Variants in SLC8B1 observed in about 807,000 individuals in gnomAD.
The protein encoded by SLC8B1 is solute carrier family 8 member B1.
SLC8B1 carries 52 observed loss-of-function variants against 63.4 expected under a neutral mutation model. The ratio of observed to expected loss-of-function variants is 0.82; its 90% CI spans 0.66 to 1.03. The LOEUF (loss-of-function observed/expected upper bound fraction) is 1.03, where lower values mean the gene tolerates loss of function less well. Among genes scored for constraint, SLC8B1 ranks in the 50% least tolerant of loss-of-function variants. SLC8B1 has a pLI of 0.00. For missense variants in SLC8B1, 657 were observed against 741.7 expected (o/e 0.89, Z 1.33); for synonymous variants, 336 against 323.9 (o/e 1.04, Z -0.40).
rs267603316 is a variant in SLC8B1, at chr12:113,332,732, G to A, written c.147C>T (p.Pro49=). Residue 49 remains proline, a synonymous_variant, in exon 2 of 16, where the codon CCC becomes CCT. Transcript: ENST00000680972. ...QFPASGVNQT[P]VVDCRKVCGL... is the part of the protein sequence containing the mutation. Reference sequence around the variant, plus strand: ...CTACCGGGATACTCACGTCTACCACGGGGGTCTGGTTCACACCTGAAGCTG... The same window carrying A: ...CTACCGGGATACTCACGTCTACCACAGGGGTCTGGTTCACACCTGAAGCTG... 2.4e-5 allele frequency: 39 copies of A among 1,613,432 alleles called. No homozygotes were observed. The highest frequency in any genetic ancestry group is 3.1e-5 in the Non-Finnish European group (36 of 1,179,774).
At chr12:113,307,041 G>A (rs1956684303) in intron 13 of SLC8B1, among the ~76,000 whole-genome samples, 1 of 142,740 alleles carries the variant, frequency 7.0e-6, no homozygotes, top group Admixed American at 7.5e-5. Context: ...AACCTGGGAG[G>A]CAGAGGTTGC....
At chr12:113,310,102 A>T in intron 12 of SLC8B1, 132 bp downstream of exon 12, 1 of 1,250,504 alleles carries the variant, frequency 8.0e-7, no homozygotes, top group Non-Finnish European at 1.1e-6. Flanking sequence ...AAGCAGCTTT[A>T]AAGTTCGGTT....
Position 113,316,787 on chromosome 12 carries a change from G to A in SLC8B1, c.863-131C>T, listed in dbSNP as rs990040740. On this transcript the variant is annotated intron_variant, in intron 9 of 15. Transcript: ENST00000680972. ...AAAGCCCAGTACTCGGCAGAGGGCA[G>A]ACAACCCTGGCCCTTGGCTCACCTG... 2.7e-6 allele frequency: 4 copies of A among 1,503,588 alleles called. No individual in the cohort carries two copies. In the South Asian group the frequency reaches 4.9e-5, roughly 19 times the overall value. The allele number at this position is 1,503,588 out of a possible 1,614,324, so 93.1% of individuals were successfully genotyped here. A position where few individuals can be genotyped will look rare whatever the true frequency, so the allele number is the denominator to read the frequency against.
chr12:113,320,259 T>C lies in SLC8B1; in HGVS notation c.694+72A>G. On this transcript the variant is annotated intron_variant, in intron 7 of 15. Coordinates refer to ENST00000680972, the MANE Select transcript of SLC8B1 (RefSeq NM_001358345.2). The surrounding 1 kb of genome is among the most constrained non-coding windows in gnomAD (Gnocchi z 5.3). ...CCACTGACCACCCCTCACACCTCTCTGTCCCAGGCACCTCCTAAACCTCCT... is the reference window on the plus strand; with the variant it reads ...CCACTGACCACCCCTCACACCTCTCCGTCCCAGGCACCTCCTAAACCTCCT... The C allele has an allele frequency of 1.3e-6, 2 of 1,541,968 alleles. No homozygotes were observed. Among genetic ancestry groups the C allele is most frequent in the Non-Finnish European group, 1.8e-6 (2 of 1,137,504 alleles).
chr12:113,325,613 A>G (rs1260351097), intron 2 of SLC8B1, among the ~76,000 whole-genome samples: 2 of 144,112 alleles, frequency 1.4e-5, no homozygotes, highest in Admixed American at 7.1e-5. Context: ...CGCCCAGGCC[A>G]GACTGCAGTG....
chr12:113,328,678 GT>G (rs1274629102), intron 2 of SLC8B1, among the ~76,000 whole-genome samples: 4 of 151,256 alleles, frequency 2.6e-5, no homozygotes, highest in Non-Finnish European at 5.9e-5. Flanking sequence ...CCAATTCTTG[GT>G]TCCCAGGACA....
At chr12:113,306,628 C>G (rs767540395) in intron 13 of SLC8B1, 53 bp from the exon 14 acceptor site, 13 of 1,466,870 alleles carry the variant, frequency 8.9e-6, no homozygotes, top group Middle Eastern at 1.7e-4. Context: ...CCCACCCTCC[C>G]TGGTCATCCA....
intron 2 of SLC8B1, among the ~76,000 whole-genome samples, chr12:113,325,840 G>A (rs1220620711): frequency 6.6e-6 from 1 of 152,232 alleles, no homozygotes; most frequent in East Asian, 1.9e-4. Context: ...TGGGATTACA[G>A]GCGTGAGCCA....
intron 11 of SLC8B1, among the ~76,000 whole-genome samples, chr12:113,313,165 C>G (rs1431266706): frequency 6.6e-6 from 1 of 152,084 alleles, no homozygotes; most frequent in Non-Finnish European, 1.5e-5. Flanking sequence ...CTCAGCGTCC[C>G]AAAGTGCTGG....
chr12:113,316,025 C>A (rs1172094523), intron 10 of SLC8B1, among the ~76,000 whole-genome samples: 2 of 152,152 alleles, frequency 1.3e-5, no homozygotes, highest in Admixed American at 1.3e-4. Context: ...GAGATTGAGA[C>A]CATCCTGGCT....
At chr12:113,306,066 C>CGAAAAAAAAAAAA (rs1956668873) in intron 14 of SLC8B1, among the ~76,000 whole-genome samples, 1 of 18,088 alleles carries the variant, frequency 5.5e-5, no homozygotes, top group Non-Finnish European at 1.2e-4. Context: ...CCCCACCCTG[C>CGAAAAAAAAAAAA]AAAAAAAAAA....
At chr12:113,300,008 C>CT (rs1412806962) in intron 15 of SLC8B1, 34 bp from the exon 16 acceptor site, 3 of 1,599,462 alleles carry the variant, frequency 1.9e-6, no homozygotes, top group Admixed American at 1.7e-5. Context: ...GGCTGAGTCA[C>CT]TGCCCGTCAC....
Position 113,334,784 on chromosome 12 carries a change from G to C in SLC8B1, c.-424C>G, listed in dbSNP as rs2136876798. ...ACTGATTCACTAGTGAGCATTTATT[G>C]AGCGCCTTCTGTACGCGTGGGCCGA... On this transcript the variant is annotated 5_prime_UTR_variant, in exon 1 of 16. Coordinates refer to ENST00000680972, the MANE Select transcript of SLC8B1 (RefSeq NM_001358345.2). The C allele has an allele frequency of 6.6e-6, 1 of 152,328 alleles. No individual in the cohort carries two copies. Among genetic ancestry groups the C allele is most frequent in the East Asian group, 1.9e-4 (1 of 5,182 alleles). The allele number at this position is 152,328 out of a possible 1,614,324, so 9.4% of individuals were successfully genotyped here. A position where few individuals can be genotyped will look rare whatever the true frequency, so the allele number is the denominator to read the frequency against.
chr12:113,310,182 G>A lies in SLC8B1; in HGVS notation c.1257+52C>T, dbSNP rs1465284622. 107 of 1,592,094 alleles carry A rather than the reference G, an allele frequency of 6.7e-5. No homozygotes were observed. The South Asian group carries it at 1.1e-3, about 17-fold the overall frequency. On this transcript the variant is annotated intron_variant, in intron 12 of 15. Coordinates refer to ENST00000680972, the MANE Select transcript of SLC8B1 (RefSeq NM_001358345.2). ...AGAGATGCAGACAGGACATCTGTGT[G>A]GGAGACATCAGCATCCCTCCCCCCC... is the stretch of plus-strand genomic sequence containing the variant.
In SLC8B1 at chr12:113,316,609, T is replaced by G. The variant is rs1445842694; in HGVS notation, c.910A>C (p.Ile304Leu). 4.3e-6 allele frequency: 7 copies of G among 1,614,156 alleles called. No individual in the cohort carries two copies. Among genetic ancestry groups the G allele is most frequent in the African/African-American group, 1.3e-5 (1 of 75,054 alleles). ...LFFYQETTAQ[I>L]LVRALNPLDY... ...AGGGGATTGAGGGCCCGGACCAGGA[T>G]CTGAGCCGTGGTCTCCTGGTAGAAG... Residue 304 changes from isoleucine to leucine, a missense_variant, in exon 10 of 16, where the codon ATC becomes CTC. Transcript: ENST00000680972.
intron 13 of SLC8B1, among the ~76,000 whole-genome samples, chr12:113,307,321 C>G (rs1024995903): frequency 2.0e-5 from 3 of 151,988 alleles, no homozygotes; most frequent in Non-Finnish European, 4.4e-5. Flanking sequence ...CCAACCACAC[C>G]TGGCTGCTAC....
rs779646346 is a variant in SLC8B1, at chr12:113,310,298, C to G, written c.1193G>C (p.Gly398Ala). ...AAAGGTCACTGAAGCCAAGGCTGTG[C>G]CTGCGATCACCACCACGACCCAGAC... ...VPVWVVVVIA[G>A]TALASVTFFA... The change falls in exon 12 of 16, where the codon GGC becomes GCC. Residue 398 changes from glycine to alanine, a missense_variant. Transcript: ENST00000680972. The G allele has an allele frequency of 2.5e-6, 4 of 1,613,978 alleles. No individual in the cohort carries two copies. The highest frequency in any genetic ancestry group is 3.4e-6 in the Non-Finnish European group (4 of 1,180,010).
intron 11 of SLC8B1, among the ~76,000 whole-genome samples, chr12:113,314,028 T>C (rs1956799213): frequency 6.6e-6 from 1 of 151,770 alleles, no homozygotes; most frequent in Admixed American, 6.6e-5. Context: ...AAAATAAAAA[T>C]AAATAAATAA....
At chr12:113,316,080 C>T (rs534906594) in intron 10 of SLC8B1, among the ~76,000 whole-genome samples, 29 of 152,194 alleles carry the variant, frequency 1.9e-4, no homozygotes, top group Admixed American at 9.8e-4. Flanking sequence ...AAAAATTAGC[C>T]AGGCGTGGTG....
Sources: gnomAD v4.1 joint callset for allele counts (sites outside exome capture counted in the v4.1 genomes callset) on GRCh38, gnomAD v4.1.1 for gene constraint, Gnocchi (gnomAD v3.1) non-coding constraint, MANE v1.5 for transcripts, NCBI Gene and HGNC (gene_info 2026-07-23, HGNC 2026-07-21) for gene names.